The following ARHGEF35 variants were observed in gnomAD, a reference collection of about 807,000 sequenced individuals.
ARHGEF35 encodes Rho guanine nucleotide exchange factor (GEF) 35.
For missense variants in ARHGEF35, 114 were observed against 449.7 expected, an observed-to-expected ratio of 0.25 and a Z score of 6.75; for synonymous variants, 47 against 170.4, an observed-to-expected ratio of 0.28 and a Z score of 5.64.
intron 1 of ARHGEF35, among the ~76,000 whole-genome samples, chr7:144,193,782 C>T (rs1166800509): frequency 7.2e-6 from 1 of 139,680 alleles, no homozygotes; most frequent in African/African-American, 2.6e-5. Flanking sequence ...TGCTGACTTA[C>T]ACTCTACAAT....
chr7:144,189,806 C>CTTTTTTTTTTTTTT (rs202193464), intron 1 of ARHGEF35, among the ~76,000 whole-genome samples: 2 of 102,062 alleles, frequency 2.0e-5, no homozygotes, highest in African/African-American at 4.1e-5. Flanking sequence ...TTTTTTCTTT[C>CTTTTTTTTTTTTTT]TTTTTTTTTT....
rs1307920238 is a variant in ARHGEF35, at chr7:144,186,404, G to A, written c.*525C>T. ...CTCATGCCTTTTTCAATAATTGATA[G>A]AACTAGACAGAAAATCAGCAAGGAG... On this transcript the variant is annotated 3_prime_UTR_variant, in exon 2 of 2. Transcript: ENST00000378115. The A allele has an allele frequency of 7.0e-6, 1 of 142,310 alleles. No homozygotes were observed. Among genetic ancestry groups the A allele is most frequent in the Admixed American group, 6.6e-5 (1 of 15,210 alleles). The allele number at this position is 142,310 out of a possible 1,614,324, so 8.8% of individuals were successfully genotyped here.
chr7:144,186,589 T>C lies in ARHGEF35; in HGVS notation c.*340A>G, dbSNP rs567316352. 87 of 158,580 alleles carry C rather than the reference T, an allele frequency of 5.5e-4. No homozygotes were observed. The highest frequency in any genetic ancestry group is 1.4e-3 in the South Asian group (8 of 5,714). The allele number at this position is 158,580 out of a possible 1,614,324, so 9.8% of individuals were successfully genotyped here. A position where few individuals can be genotyped will look rare whatever the true frequency, so the allele number is the denominator to read the frequency against. On this transcript the variant is annotated 3_prime_UTR_variant, in exon 2 of 2. Transcript: ENST00000378115. Reference sequence around the variant, plus strand: ...AATATAAAACAACTCAAAATGCCATTAACCAAAAGAATCTATTTGGCATTT... The same window carrying C: ...AATATAAAACAACTCAAAATGCCATCAACCAAAAGAATCTATTTGGCATTT...
At chr7:144,193,821 C>G (rs1206481296) in intron 1 of ARHGEF35, among the ~76,000 whole-genome samples, 1 of 144,502 alleles carries the variant, frequency 6.9e-6, no homozygotes, top group African/African-American at 2.6e-5. Flanking sequence ...GGCATCCACA[C>G]AGATAACATT....
intron 1 of ARHGEF35, among the ~76,000 whole-genome samples, chr7:144,193,933 A>C (rs537579983): frequency 1.4e-5 from 2 of 144,138 alleles, no homozygotes; most frequent in East Asian, 3.9e-4. Context: ...CTTACTCCAC[A>C]GACACTGTGA....
In ARHGEF35 at chr7:144,187,076, C is replaced by G. The variant is rs368174452; in HGVS notation, c.1308G>C (p.Gln436His). Residue 436 changes from glutamine to histidine, a missense_variant, in exon 2 of 2, where the codon CAG (glutamine) becomes CAC (histidine). Gln to His is a conservative substitution (Grantham distance 24, BLOSUM62 0). Transcript: ENST00000378115. ...SYLVTQIPGT[Q>H]TESRAEELSP... ...ACAGTTCCTCAGCCCTGGACTCTGT[C>G]TGAGTCCCGGGAATCTGAGTCACGA... The G allele has an allele frequency of 1.5e-5, 23 of 1,542,106 alleles. 2 individuals are homozygous for G. Among genetic ancestry groups the G allele is most frequent in the African/African-American group, 4.3e-5 (3 of 69,906 alleles).
Position 144,188,370 on chromosome 7 carries a change from T to C in ARHGEF35, c.14A>G (p.Glu5Gly). The change falls in exon 2 of 2, where the codon GAG becomes GGG. Residue 5 changes from glutamate to glycine, a missense_variant. By Grantham distance (98) the Glu-to-Gly change is moderately conservative. Coordinates refer to ENST00000378115, the MANE Select transcript of ARHGEF35 (RefSeq NM_001003702.3). ...GGGAGGAGAGGCTCCATGCTGGGCCTCCTCAGCCTCCATCAGGGCTGAATC... is the reference window on the plus strand; with the variant it reads ...GGGAGGAGAGGCTCCATGCTGGGCCCCCTCAGCCTCCATCAGGGCTGAATC... MEAEEAQHGASPPIS... is the reference protein window; with the variant it reads MEAEGAQHGASPPIS... 3.4e-6 allele frequency: 4 copies of C among 1,177,902 alleles called. 1 individual carries two copies. Among genetic ancestry groups the C allele is most frequent in the Non-Finnish European group, 3.4e-6 (3 of 882,578 alleles). 73.0% of individuals were successfully genotyped at this position (1,177,902 alleles called of 1,614,324 possible).
intron 1 of ARHGEF35, among the ~76,000 whole-genome samples, chr7:144,193,795 C>T (rs1306345960): frequency 1.6e-4 from 22 of 141,346 alleles, no homozygotes; most frequent in Non-Finnish European, 2.7e-4. Context: ...TCTACAATCT[C>T]ATCTGTGGTC....
Position 144,187,020 on chromosome 7 carries a change from G to A in ARHGEF35, c.1364C>T (p.Pro455Leu), listed in dbSNP as rs758945534. Residue 455 changes from proline (P) to leucine (L), a missense_variant, in exon 2 of 2, where the codon CCC (proline) becomes CTC (leucine). Physicochemically the swap from Pro to Leu is moderately conservative, Grantham distance 98. Coordinates refer to ENST00000378115, the MANE Select transcript of ARHGEF35 (RefSeq NM_001003702.3). The part of the protein sequence containing the change: ...SPAALSPLLE[P>L]IRCSHQPISL... ...AATGGGCTGGTGAGAGCATCTGATG[G>A]GCTCTAGCAAGGGAGACAGAGCTGC... 6.5e-6 allele frequency: 10 copies of A among 1,545,750 alleles called. No homozygotes were observed. In the South Asian group the frequency reaches 7.7e-5, roughly 12 times the overall value.
At chr7:144,189,806 CTTTTTTT>C (rs202193464) in intron 1 of ARHGEF35, among the ~76,000 whole-genome samples, 11 of 102,052 alleles carry the variant, frequency 1.1e-4, no homozygotes, top group South Asian at 3.4e-4. Context: ...TTTTTTCTTT[CTTTTTTT>C]TTTTTTTTTT....
chr7:144,191,343 A>ACC (rs2052000526), intron 1 of ARHGEF35, among the ~76,000 whole-genome samples: 14 of 31,206 alleles, frequency 4.5e-4, no homozygotes, highest in African/African-American at 9.2e-4. Flanking sequence ...CCCTGCCCCC[A>ACC]TCCCCCCCCC....
rs770600592 is a variant in ARHGEF35, at chr7:144,186,975, A to T, written c.1409T>A (p.Leu470Ter). Residue 470 changes from leucine to a stop codon, truncating the protein, a stop_gained, in exon 2 of 2, where the codon TTG (leucine) becomes TAG (stop). Coordinates refer to ENST00000378115, the MANE Select transcript of ARHGEF35 (RefSeq NM_001003702.3). LOFTEE classifies it high-confidence loss of function. ...TTCCTTGTCAGGTGACTCCTCAGTC[A>T]AAAAGGAGCCCAGTAGAGAAATGGG... ...HQPISLLGSF[L>*]TEESPDKEKL... 6.5e-6 allele frequency: 10 copies of T among 1,540,880 alleles called. 1 individual carries two copies. The highest frequency in any genetic ancestry group is 4.2e-5 in the African/African-American group (3 of 71,062).
chr7:144,186,950 T>G lies in ARHGEF35; in HGVS notation c.1434A>C (p.Glu478Asp). The G allele has an allele frequency of 6.6e-7, 1 of 1,522,160 alleles. No homozygotes were observed. The highest frequency in any genetic ancestry group is 9.0e-7 in the Non-Finnish European group (1 of 1,109,850). The allele number at this position is 1,522,160 out of a possible 1,614,324, so 94.3% of individuals were successfully genotyped here. A position where few individuals can be genotyped will look rare whatever the true frequency, so the allele number is the denominator to read the frequency against. The change falls in exon 2 of 2, where the codon GAA becomes GAC. Residue 478 changes from glutamate (E) to aspartate (D), a missense_variant. Coordinates refer to ENST00000378115, the MANE Select transcript of ARHGEF35 (RefSeq NM_001003702.3). ...SFLTEESPDK[E>D]KLLSVL is the part of the protein sequence containing the mutation. ...CATATCAAAGTACTGATAGAAGTTT[T>G]TCCTTGTCAGGTGACTCCTCAGTCA...
intron 1 of ARHGEF35, among the ~76,000 whole-genome samples, chr7:144,189,863 G>A (rs200600448): frequency 0.11 from 10,477 of 95,798 alleles, 15 homozygotes; most frequent in East Asian, 0.35. Flanking sequence ...CTGGAGTGCC[G>A]TGGTGCAATC....
chr7:144,192,267 ACAC>A, intron 1 of ARHGEF35, among the ~76,000 whole-genome samples: 1 of 97,164 alleles, frequency 1.0e-5, no homozygotes, highest in African/African-American at 4.6e-5. Context: ...ACACACACAC[ACAC>A]ACACACACTG....
Position 144,186,660 on chromosome 7 carries a change from G to C in ARHGEF35, c.*269C>G, listed in dbSNP as rs1183543004. The C allele has an allele frequency of 1.4e-5, 4 of 294,866 alleles. No homozygotes were observed. In the Admixed American group the frequency reaches 1.6e-4, roughly 12 times the overall value. The allele number at this position is 294,866 out of a possible 1,614,324, so 18.3% of individuals were successfully genotyped here. On this transcript the variant is annotated 3_prime_UTR_variant, in exon 2 of 2. Transcript: ENST00000378115. ...ACAGCAGAATACACATATTTTTTTTGAGTGCTGACGAAACACATGGCAAGA... is the reference window on the plus strand; with the variant it reads ...ACAGCAGAATACACATATTTTTTTTCAGTGCTGACGAAACACATGGCAAGA...
chr7:144,187,843 TG>T lies in ARHGEF35; in HGVS notation c.540del (p.Arg181AspfsTer66), dbSNP rs2051974829. ...EETSSDNSGQ[T>X]RYYSPCEEHP... is the part of the protein sequence containing the mutation. ...TGCTCTTCGCAGGGAGAATAATATC[TG>T]GTCTGACCAGAGTTATCTGAAGAGG... On this transcript the variant is annotated frameshift_variant, in exon 2 of 2. Coordinates refer to ENST00000378115, the MANE Select transcript of ARHGEF35 (RefSeq NM_001003702.3). LOFTEE classifies it low-confidence loss of function (END_TRUNC). 1 of 583,356 alleles carries T rather than the reference TG, an allele frequency of 1.7e-6. No homozygotes were observed. Among genetic ancestry groups the T allele is most frequent in the Admixed American group, 3.0e-5 (1 of 33,210 alleles). The allele number at this position is 583,356 out of a possible 1,614,324, so 36.1% of individuals were successfully genotyped here. A position where few individuals can be genotyped will look rare whatever the true frequency, so the allele number is the denominator to read the frequency against.
chr7:144,189,902 T>C (rs1265020400), intron 1 of ARHGEF35, among the ~76,000 whole-genome samples: 87 of 132,836 alleles, frequency 6.5e-4, no homozygotes, highest in African/African-American at 2.5e-3. Context: ...CACCTCCGGG[T>C]TCAAGCGATT....
Position 144,186,943 on chromosome 7 carries a change from G to C in ARHGEF35, c.1441C>G (p.Leu481Val). 1 of 1,516,166 alleles carries C rather than the reference G, an allele frequency of 6.6e-7. No individual in the cohort carries two copies. 93.9% of individuals were successfully genotyped at this position (1,516,166 alleles called of 1,614,324 possible). ...ACTGTGACATATCAAAGTACTGATA[G>C]AAGTTTTTCCTTGTCAGGTGACTCC... is the stretch of plus-strand genomic sequence containing the variant. ...TEESPDKEKL[L>V]SVL Residue 481 changes from leucine to valine, a missense_variant, in exon 2 of 2, where the codon CTA (leucine) becomes GTA (valine). Leu to Val is a conservative substitution (Grantham distance 32). Transcript: ENST00000378115.
Sources: gnomAD v4.1 joint callset for allele counts (sites outside exome capture counted in the v4.1 genomes callset) on GRCh38, gnomAD v4.1.1 for gene constraint, MANE v1.5 for transcripts, NCBI Gene and HGNC (gene_info 2026-07-23, HGNC 2026-07-21) for gene names.